The following MIER2 variants were observed in gnomAD, a reference collection of about 807,000 sequenced individuals.
The protein encoded by MIER2 is mesoderm induction early response protein 2.
A neutral mutation model predicts 67.6 loss-of-function variants in MIER2; 30 were observed. The ratio of observed to expected loss-of-function variants is 0.44; its 90% CI spans 0.33 to 0.60. MIER2 has a LOEUF of 0.60. MIER2 is among the 20% of genes least tolerant of loss of function. MIER2 has a pLI of 0.02. For missense variants in MIER2, 702 were observed against 745.1 expected, an observed-to-expected ratio of 0.94 and a Z score of 0.67; for synonymous variants, 372 against 312.6, an observed-to-expected ratio of 1.19 and a Z score of -2.00.
chr19:308,790 G>C lies in MIER2; in HGVS notation c.1109+11C>G. The C allele has an allele frequency of 6.3e-7, 1 of 1,598,420 alleles. No individual in the cohort carries two copies. Among genetic ancestry groups the C allele is most frequent in the African/African-American group, 1.3e-5 (1 of 74,736 alleles). ...CCGCCTGTCGTTACTGCTGGGGAGG[G>C]CTGCACGCACGTGGTTCCGGACGGG... On this transcript the variant is annotated intron_variant, in intron 11 of 13. Transcript: ENST00000264819. The surrounding 1 kb of genome is among the most constrained non-coding windows in gnomAD (Gnocchi z 9.1).
At position 312,195 on chromosome 19, in the gene MIER2, G is replaced by T. The variant is rs1465169402; in HGVS notation, c.885C>A (p.Ile295=). 6.2e-7 allele frequency: 1 copy of T among 1,613,764 alleles called. No individual in the cohort carries two copies. The highest frequency in any genetic ancestry group is 1.3e-5 in the African/African-American group (1 of 75,026). ...LRRLRFNVKV[I]RDGLCAWSEE... is the part of the protein sequence containing the mutation. ...AAGGCCCAGACCGCTGCTCACCTCGGATCACCTTCACGTTGAACCGCAGCC... is the reference window on the plus strand; with the variant it reads ...AAGGCCCAGACCGCTGCTCACCTCGTATCACCTTCACGTTGAACCGCAGCC... Residue 295 remains isoleucine, a synonymous_variant, in exon 9 of 14, where the codon ATC becomes ATA. Coordinates refer to ENST00000264819, the MANE Select transcript of MIER2 (RefSeq NM_017550.3).
chr19:320,429 A>C (rs1158539077), intron 7 of MIER2, among the ~76,000 whole-genome samples: 1 of 149,558 alleles, frequency 6.7e-6, no homozygotes, highest in East Asian at 1.9e-4. Flanking sequence ...AATTTAAAAA[A>C]TAGATACGTA....
At chr19:343,943 T>C in intron 1 of MIER2, 2 of 985,460 alleles carry the variant, frequency 2.0e-6, no homozygotes, top group Non-Finnish European at 2.4e-6. Flanking sequence ...GACACGAAGC[T>C]ATCTGTTGTC....
In MIER2 at chr19:307,517, G is replaced by A; in HGVS notation, c.1218C>T (p.Gly406=). ...CGGGCTCATCGAGACCACCGGCCGT[G>A]CCATCCACGCTCAGTGGATCTGTGA... ...GMRTDPLSVD[G]TAGGLDEPGV... Residue 406 remains glycine (G), a synonymous_variant, in exon 13 of 14, where the codon GGC becomes GGT. Coordinates refer to ENST00000264819, the MANE Select transcript of MIER2 (RefSeq NM_017550.3). The A allele has an allele frequency of 6.6e-7, 1 of 1,511,806 alleles. No homozygotes were observed. Among genetic ancestry groups the A allele is most frequent in the Non-Finnish European group, 8.8e-7 (1 of 1,136,072 alleles). 93.6% of individuals were successfully genotyped at this position (1,511,806 alleles called of 1,614,324 possible). A position where few individuals can be genotyped will look rare whatever the true frequency, so the allele number is the denominator to read the frequency against.
At chr19:337,868 C>CAAAAAAAAA (rs1418469284) in intron 1 of MIER2, among the ~76,000 whole-genome samples, 1 of 16,728 alleles carries the variant, frequency 6.0e-5, no homozygotes, top group African/African-American at 3.6e-4. Context: ...GACTCCATCT[C>CAAAAAAAAA]ACAAAAAAAA....
At chr19:331,595 G>C (rs184631570) in intron 3 of MIER2, among the ~76,000 whole-genome samples, 1 of 152,074 alleles carries the variant, frequency 6.6e-6, no homozygotes, top group Non-Finnish European at 1.5e-5. Context: ...CTTGAGCCCA[G>C]GAGTTCGAGG....
chr19:311,721 G>A (rs1971011356), intron 10 of MIER2, 124 bp downstream of exon 10: 5 of 841,272 alleles, frequency 5.9e-6, no homozygotes, highest in Non-Finnish European at 1.9e-6. Flanking sequence ...GGCACACGGT[G>A]AGGAGGCGGA....
intron 7 of MIER2, among the ~76,000 whole-genome samples, chr19:317,539 T>C (rs1333434541): frequency 7.1e-6 from 1 of 141,592 alleles, no homozygotes; most frequent in Admixed American, 6.9e-5. Flanking sequence ...AAAAAATAAA[T>C]AAATAAATAA....
chr19:312,671 G>A (rs866511416), intron 8 of MIER2, among the ~76,000 whole-genome samples: 68 of 53,874 alleles, frequency 1.3e-3, no homozygotes, highest in African/African-American at 4.3e-3. Flanking sequence ...GCGATGTCAG[G>A]GCCACCTACA....
intron 7 of MIER2, among the ~76,000 whole-genome samples, chr19:315,275 G>C (rs184789585): frequency 6.6e-6 from 1 of 152,226 alleles, no homozygotes; most frequent in Non-Finnish European, 1.5e-5. Flanking sequence ...TGAGGGAGGA[G>C]AATCACTTGA....
chr19:336,011 A>AGCAG, intron 2 of MIER2, 72 bp downstream of exon 2: 1 of 1,447,834 alleles, frequency 6.9e-7, no homozygotes, highest in African/African-American at 1.4e-5. Context: ...AGCCAGGCCC[A>AGCAG]GCAGGCATTC....
chr19:326,759 G>A (rs1445412952), intron 5 of MIER2, 161 bp from the exon 6 acceptor site: 1 of 628,178 alleles, frequency 1.6e-6, no homozygotes, highest in Non-Finnish European at 2.8e-6. Flanking sequence ...CAGGACCAGG[G>A]ATGCACCTTT....
chr19:343,793 G>A (rs1048894824), intron 1 of MIER2: 1 of 971,928 alleles, frequency 1.0e-6, no homozygotes, highest in African/African-American at 1.8e-5. Context: ...CCTCGCAGCC[G>A]CCGCACCTTC....
At chr19:338,588 A>G (rs1972368856) in intron 1 of MIER2, among the ~76,000 whole-genome samples, 1 of 151,902 alleles carries the variant, frequency 6.6e-6, no homozygotes, top group African/African-American at 2.4e-5. Flanking sequence ...TTTCAAAAGC[A>G]TATGGAAGCT....
intron 5 of MIER2, 110 bp from the exon 6 acceptor site, chr19:326,708 C>G: frequency 1.1e-6 from 1 of 874,606 alleles, no homozygotes; most frequent in Non-Finnish European, 1.9e-6. Context: ...CCATAACCCT[C>G]TCTCTGGCCA....
chr19:309,081 A>G (rs1410490024), intron 10 of MIER2, among the ~76,000 whole-genome samples, 156 bp from the exon 11 acceptor site: 2 of 151,912 alleles, frequency 1.3e-5, no homozygotes, highest in African/African-American at 2.4e-5. Context: ...CCATGACCCT[A>G]ACAGGCCACA....
At chr19:326,240 A>G (rs75410631) in intron 6 of MIER2, among the ~76,000 whole-genome samples, 28 of 130,656 alleles carry the variant, frequency 2.1e-4, no homozygotes, top group Non-Finnish European at 3.1e-4. Flanking sequence ...TTGGGGACAC[A>G]GCAGAGCCAC....
rs1568235785 is a variant in MIER2 at position 334,437 on chromosome 19, T to C, written c.206A>G (p.Lys69Arg). ...GTCCTTCTCCAGCTCCTCCTTGGGC[T>C]TGTCTGGGCACCTCGAGGCCTCCTC... ...ECEEASRCPD[K>R]PKEELEKDFI... Residue 69 changes from lysine to arginine, a missense_variant, in exon 3 of 14, where the codon AAG (lysine) becomes AGG (arginine). Around this residue, in one of 3 missense-constraint regions of MIER2, gnomAD observed 320 missense variants for 292.6 expected, o/e 1.09. Transcript: ENST00000264819. The C allele has an allele frequency of 6.2e-7, 1 of 1,614,214 alleles. No homozygotes were observed. Among genetic ancestry groups the C allele is most frequent in the East Asian group, 2.2e-5 (1 of 44,878 alleles).
Position 326,590 on chromosome 19 carries a change from G to A in MIER2, c.502C>T (p.Leu168=), listed in dbSNP as rs138409615. 7.1e-5 allele frequency: 115 copies of A among 1,614,070 alleles called. No homozygotes were observed. The highest frequency in any genetic ancestry group is 4.5e-4 in the African/African-American group (34 of 75,048). ...LFPNRSGSRF[L]ADEDREPGSS... Reference sequence around the variant, plus strand: ...CCAGGCTCTCTGTCTTCATCAGCCAGGAAACGAGCTTTGGGAAAACAGAGG... The same window carrying A: ...CCAGGCTCTCTGTCTTCATCAGCCAAGAAACGAGCTTTGGGAAAACAGAGG... The change falls in exon 6 of 14, where the codon CTG becomes TTG. Residue 168 remains leucine (L), a synonymous_variant. Transcript: ENST00000264819.
Sources: allele counts gnomAD v4.1 joint callset (sites outside exome capture counted in the v4.1 genomes callset), GRCh38; gene constraint gnomAD v4.1.1; regional missense constraint gnomAD v4.1.1; non-coding constraint Gnocchi (gnomAD v3.1); transcripts MANE v1.5; gene names NCBI Gene and HGNC (gene_info 2026-07-23, HGNC 2026-07-21).